The following GPHN variants were observed in gnomAD, a reference collection of about 807,000 sequenced individuals.
GPHN encodes gephyrin.
In GPHN, 17 loss-of-function variants were observed where a neutral mutation model predicts 95.5. The ratio of observed to expected loss-of-function variants is 0.18; its 90% CI spans 0.12 to 0.27. GPHN has a LOEUF of 0.27. Among genes scored for constraint, GPHN ranks in the 10% least tolerant of loss-of-function variants. The probability of loss-of-function intolerance (pLI) is 1.00; values close to 1 mark genes in which losing one functional copy is unlikely to be tolerated. For missense variants in GPHN, 660 were observed against 978.1 expected, an observed-to-expected ratio of 0.67 and a Z score of 4.34; for synonymous variants, 320 against 322.5, an observed-to-expected ratio of 0.99 and a Z score of 0.08.
the GPHN span, among the ~76,000 whole-genome samples, chr14:67,546,759 T>C: frequency 6.6e-6 from 1 of 152,128 alleles, no homozygotes; most frequent in Admixed American, 6.5e-5. Context: ...CCCAGTGACT[T>C]AGAGGCCAAG....
chr14:67,045,329 T>G (rs954688839), intron 10 of GPHN, among the ~76,000 whole-genome samples: 1 of 152,334 alleles, frequency 6.6e-6, no homozygotes, highest in East Asian at 1.9e-4. Flanking sequence ...AGCTTTTTGC[T>G]ATGAGGCCTA....
the GPHN span, chr14:67,724,340 T>A: frequency 5.3e-5 from 40 of 750,042 alleles, no homozygotes; most frequent in African/African-American, 6.9e-4. Context: ...GGTTAGCTTT[T>A]ATGAGTCTCC....
At chr14:66,672,967 C>T (rs1028959353) in intron 1 of GPHN, among the ~76,000 whole-genome samples, 1 of 151,746 alleles carries the variant, frequency 6.6e-6, no homozygotes, top group Non-Finnish European at 1.5e-5. Context: ...TTATTTGTTG[C>T]CTTTGACCTT....
the GPHN span, chr14:67,350,721 A>G: frequency 1.4e-5 from 22 of 1,584,972 alleles, no homozygotes; most frequent in Non-Finnish European, 5.2e-6. Context: ...AGCAGATTCA[A>G]CCAAGCCTTT....
chr14:67,387,016 C>T, the GPHN span: 1 of 220,150 alleles, frequency 4.5e-6, no homozygotes, highest in Non-Finnish European at 8.8e-6. Flanking sequence ...AACATTATGG[C>T]ATGGCCAGTG....
the GPHN span, among the ~76,000 whole-genome samples, chr14:67,474,914 C>CTTTTTTTTT: frequency 1.6e-5 from 2 of 124,958 alleles, no homozygotes; most frequent in African/African-American, 6.3e-5. Flanking sequence ...GAATTTCCTT[C>CTTTTTTTTT]TTTTTTTTTT....
chr14:67,103,988 AT>A (rs1478484191), intron 13 of GPHN, among the ~76,000 whole-genome samples: 2 of 152,192 alleles, frequency 1.3e-5, no homozygotes, highest in East Asian at 3.9e-4. Context: ...CACATTCAGT[AT>A]GATGTTGGCT....
At chr14:66,677,127 G>A (rs182626906) in intron 1 of GPHN, among the ~76,000 whole-genome samples, 1 of 152,020 alleles carries the variant, frequency 6.6e-6, no homozygotes, top group Non-Finnish European at 1.5e-5. Context: ...TGTATCAGTT[G>A]TAATGTCTCA....
chr14:67,041,592 C>T (rs1314364679), intron 10 of GPHN, among the ~76,000 whole-genome samples: 1 of 152,100 alleles, frequency 6.6e-6, no homozygotes, highest in African/African-American at 2.4e-5. Context: ...GTATATGTGC[C>T]ACATTTTCTT....
chr14:67,611,955 G>A, the GPHN span, among the ~76,000 whole-genome samples: 1 of 152,168 alleles, frequency 6.6e-6, no homozygotes, highest in Admixed American at 6.5e-5. Flanking sequence ...GGTGATGGGA[G>A]ACAGTGACAG....
intron 4 of GPHN, among the ~76,000 whole-genome samples, chr14:66,871,465 T>TCC (rs2063430944): frequency 6.6e-6 from 1 of 152,196 alleles, no homozygotes. Flanking sequence ...AACAGTGACA[T>TCC]CCCCTTGCTT....
chr14:67,012,038 C>T (rs949224777), intron 9 of GPHN, among the ~76,000 whole-genome samples: 12 of 152,292 alleles, frequency 7.9e-5, no homozygotes, highest in Non-Finnish European at 1.3e-4. Flanking sequence ...ACTGAACCAA[C>T]GCACCTCCTG....
intron 18 of GPHN, among the ~76,000 whole-genome samples, chr14:67,152,301 A>G (rs1329610037): frequency 6.6e-6 from 1 of 152,196 alleles, no homozygotes; most frequent in Non-Finnish European, 1.5e-5. Flanking sequence ...ATATTTACAT[A>G]TATTATTGAA....
intron 12 of GPHN, among the ~76,000 whole-genome samples, chr14:67,090,350 A>G (rs943811319): frequency 1.8e-4 from 28 of 152,102 alleles, no homozygotes; most frequent in Non-Finnish European, 4.4e-5. Flanking sequence ...GCGTGTTGAC[A>G]TGGCACCACA....
At chr14:67,693,561 C>T in the GPHN span, among the ~76,000 whole-genome samples, 3 of 150,640 alleles carry the variant, frequency 2.0e-5, no homozygotes, top group South Asian at 4.2e-4. Flanking sequence ...ACACTTAAAA[C>T]AAAGAGAAGA....
the GPHN span, among the ~76,000 whole-genome samples, chr14:67,469,646 C>CTGG: frequency 0.052 from 7,759 of 150,058 alleles, 278 homozygotes; most frequent in East Asian, 0.18. Context: ...GGGCAGCGGC[C>CTGG]TGGTGGTGGT....
At chr14:67,069,595 A>G (rs551125902) in intron 11 of GPHN, among the ~76,000 whole-genome samples, 25 of 152,332 alleles carry the variant, frequency 1.6e-4, no homozygotes, top group South Asian at 4.1e-4. Flanking sequence ...TGGAAAAACA[A>G]AGAACCTAGG....
the GPHN span, among the ~76,000 whole-genome samples, chr14:67,626,835 T>C: frequency 1.3e-5 from 2 of 152,206 alleles, no homozygotes; most frequent in South Asian, 2.1e-4. Context: ...TGTACATTAA[T>C]TGAATAGGGG....
chr14:67,290,766 C>G, the GPHN span, among the ~76,000 whole-genome samples: 705 of 152,168 alleles, frequency 4.6e-3, 5 homozygotes, highest in African/African-American at 0.016. Context: ...ACCTCCTGGA[C>G]TCAAGCAGTC....
Sources: gnomAD v4.1 joint callset for allele counts (sites outside exome capture counted in the v4.1 genomes callset) on GRCh38, gnomAD v4.1.1 for gene constraint, MANE v1.5 for transcripts, NCBI Gene and HGNC (gene_info 2026-07-23, HGNC 2026-07-21) for gene names.